Variants in MAP3K20 observed in about 807,000 individuals in gnomAD.
MAP3K20 encodes HCCS-4.
A neutral mutation model predicts 85.7 loss-of-function variants in MAP3K20; 40 were observed. That is an observed-to-expected ratio of 0.47 (90% CI 0.36 to 0.61). The LOEUF (loss-of-function observed/expected upper bound fraction) is 0.61. Ranked by LOEUF, MAP3K20 falls within the 20% of genes least tolerant of loss-of-function variation. MAP3K20 has a pLI of 0.00. For synonymous variants in MAP3K20, 325 were observed against 327.7 expected (o/e 0.99, Z 0.09); for missense variants, 817 against 961.7 (o/e 0.85, Z 1.99).
At chr2:173,162,030 T>G (rs1208961095) in intron 2 of MAP3K20, among the ~76,000 whole-genome samples, 1 of 152,226 alleles carries the variant, frequency 6.6e-6, no homozygotes, top group East Asian at 1.9e-4. Flanking sequence ...TACTGCTTTT[T>G]CTGATTATAA....
intron 11 of MAP3K20, chr2:173,221,367 T>G (rs774935590): frequency 6.2e-7 from 1 of 1,614,060 alleles, no homozygotes; most frequent in Non-Finnish European, 8.5e-7. Context: ...GGGATGCAGA[T>G]AAACATGCAA....
chr2:173,115,349 G>A (rs761151923), intron 2 of MAP3K20, among the ~76,000 whole-genome samples: 4 of 152,052 alleles, frequency 2.6e-5, no homozygotes, highest in South Asian at 2.1e-4. Flanking sequence ...ATTGGGTATC[G>A]CCTTTCTCTG....
chr2:173,256,472 T>G (rs1445635839), intron 16 of MAP3K20, among the ~76,000 whole-genome samples: 1 of 148,152 alleles, frequency 6.7e-6, no homozygotes, highest in African/African-American at 2.5e-5. Flanking sequence ...AAAAAAGAAA[T>G]TTAAAAAAAT....
In MAP3K20 at chr2:173,120,242, C is replaced by T. The variant is rs910634878; in HGVS notation, c.159+29052C>T. ...TTAGCCAAAACCTTAGCTGGCTGGT[C>T]GGCTTTACCTGATGGGGTGACCTGA... On this transcript the variant is annotated intron_variant, in intron 2 of 19. Coordinates refer to ENST00000375213, the MANE Select transcript of MAP3K20 (RefSeq NM_016653.3). Among the ~76,000 whole-genome samples the T allele has an allele frequency of 2.0e-5, 3 of 152,166 alleles. No individual in the cohort carries two copies. The East Asian group carries it at 5.8e-4, about 30-fold the overall frequency.
chr2:173,251,411 A>T (rs1359334990), intron 16 of MAP3K20, among the ~76,000 whole-genome samples: 1 of 152,060 alleles, frequency 6.6e-6, no homozygotes, highest in Non-Finnish European at 1.5e-5. Context: ...TTATCCTACA[A>T]AGCCAAATGA....
chr2:173,243,743 G>A (rs886579201), intron 16 of MAP3K20, among the ~76,000 whole-genome samples: 2 of 152,100 alleles, frequency 1.3e-5, no homozygotes, highest in Non-Finnish European at 2.9e-5. Flanking sequence ...TCAGCCTCCC[G>A]AATAGCTGGG....
chr2:173,242,963 C>T (rs1489495615), intron 16 of MAP3K20, among the ~76,000 whole-genome samples: 1 of 152,092 alleles, frequency 6.6e-6, no homozygotes, highest in Non-Finnish European at 1.5e-5. Flanking sequence ...GCTCGACCTC[C>T]CAAAGTGCTG....
At chr2:173,252,236 A>G (rs1685056515) in intron 16 of MAP3K20, among the ~76,000 whole-genome samples, 1 of 152,256 alleles carries the variant, frequency 6.6e-6, no homozygotes. Flanking sequence ...CAGCTTGCAG[A>G]GAGTGTAATA....
At chr2:173,102,319 A>AT (rs1309518978) in intron 2 of MAP3K20, among the ~76,000 whole-genome samples, 1 of 152,050 alleles carries the variant, frequency 6.6e-6, no homozygotes, top group Non-Finnish European at 1.5e-5. Context: ...TGTTTGGCTG[A>AT]TTTTTTGAGT....
At chr2:173,250,030 A>G (rs116126614) in intron 16 of MAP3K20, among the ~76,000 whole-genome samples, 1 of 152,354 alleles carries the variant, frequency 6.6e-6, no homozygotes, top group African/African-American at 2.4e-5. Flanking sequence ...CTTAGACACA[A>G]GCCATTGTTA....
chr2:173,229,037 A>G (rs1684456727), intron 11 of MAP3K20, among the ~76,000 whole-genome samples: 1 of 152,244 alleles, frequency 6.6e-6, no homozygotes, highest in African/African-American at 2.4e-5. Flanking sequence ...GAAGACAGTA[A>G]GTAGTTCTTT....
At chr2:173,256,518 T>TAGACAGACAGACAGAC (rs1304644986) in intron 16 of MAP3K20, among the ~76,000 whole-genome samples, 83 of 61,662 alleles carry the variant, frequency 1.3e-3, no homozygotes, top group South Asian at 6.0e-3. Flanking sequence ...GATAGATAGA[T>TAGACAGACAGACAGAC]AGATAGATAG....
rs747897975 is a variant in MAP3K20 at position 173,089,613 on chromosome 2, C to T, written c.-34-1385C>T. 1.3e-4 allele frequency among the ~76,000 whole-genome samples: 20 copies of T among 150,666 alleles called. 1 individual carries two copies. The highest frequency in any genetic ancestry group is 6.4e-3 in the Middle Eastern group (2 of 314). On this transcript the variant is annotated intron_variant, in intron 1 of 19. Coordinates refer to ENST00000375213, the MANE Select transcript of MAP3K20 (RefSeq NM_016653.3). ...CCTTTTTTTTTTTGAGATGGAGTCT[C>T]GCTCTGTTGCCCAGGCTGGAGTGCA...
In MAP3K20 at chr2:173,266,798, A is replaced by G; in HGVS notation, c.*48A>G. On this transcript the variant is annotated 3_prime_UTR_variant, in exon 20 of 20. Transcript: ENST00000375213. The stretch of plus-strand genomic sequence containing the variant: ...CTAAGCAGGTTAAAAAAAAAAAAAA[A>G]AAGAAATGTAATGGTTTTTGATAAT... 3.7e-6 allele frequency: 5 copies of G among 1,364,736 alleles called. No individual in the cohort carries two copies. Among genetic ancestry groups the G allele is most frequent in the Non-Finnish European group, 4.8e-6 (5 of 1,038,858 alleles). The allele number at this position is 1,364,736 out of a possible 1,614,324, so 84.5% of individuals were successfully genotyped here. A position where few individuals can be genotyped will look rare whatever the true frequency, so the allele number is the denominator to read the frequency against.
chr2:173,084,651 G>A lies in MAP3K20; in HGVS notation c.-34-6347G>A, dbSNP rs72905050. Among the ~76,000 whole-genome samples, 621 of 152,154 alleles carry A rather than the reference G, an allele frequency of 4.1e-3. 2 individuals are homozygous for A. The highest frequency in any genetic ancestry group is 6.6e-3 in the Non-Finnish European group (447 of 67,992). ...GTTAATAATTGCTCTACAAAACTAA[G>A]AGATATAATATAAAACAATTCTGAA... On this transcript the variant is annotated intron_variant, in intron 1 of 19. Transcript: ENST00000375213.
At chr2:173,084,653 GATATA>G (rs981000621) in intron 1 of MAP3K20, among the ~76,000 whole-genome samples, 2 of 152,138 alleles carry the variant, frequency 1.3e-5, no homozygotes, top group Non-Finnish European at 2.9e-5. Context: ...AAAACTAAGA[GATATA>G]ATATAAAACA....
At chr2:173,175,341 T>A (rs189318040) in intron 3 of MAP3K20, among the ~76,000 whole-genome samples, 35 of 152,324 alleles carry the variant, frequency 2.3e-4, no homozygotes, top group African/African-American at 8.2e-4. Flanking sequence ...CACATGACTG[T>A]TCCAAGTGTA....
chr2:173,264,616 G>A (rs569994534), intron 19 of MAP3K20, among the ~76,000 whole-genome samples: 2 of 152,320 alleles, frequency 1.3e-5, no homozygotes, highest in South Asian at 4.1e-4. Context: ...ACTAATTAAA[G>A]TCGATCCCTG....
chr2:173,241,184 A>G (rs1684771902), intron 16 of MAP3K20, among the ~76,000 whole-genome samples: 1 of 152,222 alleles, frequency 6.6e-6, no homozygotes. Flanking sequence ...CAACAGGGTG[A>G]CTACAGTCAA....
Sources: gnomAD v4.1 joint callset for allele counts (sites outside exome capture counted in the v4.1 genomes callset) on GRCh38, gnomAD v4.1.1 for gene constraint, MANE v1.5 for transcripts, NCBI Gene and HGNC (gene_info 2026-07-23, HGNC 2026-07-21) for gene names.